Variants in HS3ST3A1 observed in about 807,000 individuals in gnomAD.
HS3ST3A1 encodes heparan sulfate glucosamine 3-O-sulfotransferase 3A1.
HS3ST3A1 carries 19 observed loss-of-function variants against 25.7 expected under a neutral mutation model. The ratio of observed to expected loss-of-function variants is 0.74; its 90% confidence interval spans 0.52 to 1.08. The LOEUF (loss-of-function observed/expected upper bound fraction) is 1.08, where lower values mean the gene tolerates loss of function less well. HS3ST3A1 is among the 50% of genes least tolerant of loss of function. The pLI is 0.00. For synonymous variants in HS3ST3A1, 226 were observed against 278.6 expected (o/e 0.81, Z 1.88); for missense variants, 459 against 594.3 (o/e 0.77, Z 2.37).
intron 1 of HS3ST3A1, among the ~76,000 whole-genome samples, chr17:13,521,511 C>T (rs1906238495): frequency 6.6e-6 from 1 of 152,176 alleles, no homozygotes; most frequent in South Asian, 2.1e-4. Context: ...TAGTTCTAAC[C>T]CAACACAGCT....
chr17:13,533,926 A>G (rs1354907126), intron 1 of HS3ST3A1, among the ~76,000 whole-genome samples: 5 of 152,204 alleles, frequency 3.3e-5, no homozygotes, highest in Non-Finnish European at 5.9e-5. Context: ...AAAGAGAGAG[A>G]AAGAAATTAG....
In HS3ST3A1 at chr17:13,496,104, A is replaced by T; in HGVS notation, c.*93T>A. ...TTCATTGAAAAAAATACTGAAACATATTTTCAGCACAAATATTAAACTGTC... is the reference window on the plus strand; with the variant it reads ...TTCATTGAAAAAAATACTGAAACATTTTTTCAGCACAAATATTAAACTGTC... On this transcript the variant is annotated 3_prime_UTR_variant, in exon 2 of 2. Transcript: ENST00000284110. The T allele has an allele frequency of 7.4e-7, 1 of 1,347,760 alleles. No individual in the cohort carries two copies. The allele number at this position is 1,347,760 out of a possible 1,614,324, so 83.5% of individuals were successfully genotyped here. A position where few individuals can be genotyped will look rare whatever the true frequency, so the allele number is the denominator to read the frequency against.
chr17:13,504,806 G>T (rs1189290026), intron 1 of HS3ST3A1, among the ~76,000 whole-genome samples: 1 of 152,158 alleles, frequency 6.6e-6, no homozygotes, highest in Non-Finnish European at 1.5e-5. Flanking sequence ...TAGGAGTCAG[G>T]CGTCCTCTCC....
chr17:13,526,608 T>A (rs186893794), intron 1 of HS3ST3A1, among the ~76,000 whole-genome samples: 1 of 149,602 alleles, frequency 6.7e-6, no homozygotes, highest in African/African-American at 2.4e-5. Context: ...CAGAGTAAAG[T>A]TAAAGCCACT....
At chr17:13,558,394 T>A (rs910825641) in intron 1 of HS3ST3A1, among the ~76,000 whole-genome samples, 1 of 152,098 alleles carries the variant, frequency 6.6e-6, no homozygotes. Context: ...TAAAGTACTA[T>A]GTACTTCAAT....
chr17:13,526,916 G>A (rs1325138531), intron 1 of HS3ST3A1, among the ~76,000 whole-genome samples: 2 of 152,240 alleles, frequency 1.3e-5, no homozygotes, highest in East Asian at 3.9e-4. Flanking sequence ...GCCTCTCAAA[G>A]TGCTGGGATT....
In HS3ST3A1 at chr17:13,593,233, C is replaced by CAAAAAAAAAAAAAA. The variant is rs5819419; in HGVS notation, c.599+7284_599+7297dup. On this transcript the variant is annotated intron_variant, in intron 1 of 1. Coordinates refer to ENST00000284110, the MANE Select transcript of HS3ST3A1 (RefSeq NM_006042.3). ...CACCTGTTCCTTCTATGTTTGTAGC[C>CAAAAAAAAAAAAAA]AAAAAAAAAAAAAAAAAAAAGTCAT... is the stretch of plus-strand genomic sequence containing the variant. Among the ~76,000 whole-genome samples, 603 of 102,972 alleles carry CAAAAAAAAAAAAAA rather than the reference C, an allele frequency of 5.9e-3. 20 individuals carry two copies. The highest frequency in any genetic ancestry group is 9.9e-3 in the Non-Finnish European group (505 of 51,132). 67.6% of individuals were successfully genotyped at this position (102,972 alleles called of 152,430 possible). A position where few individuals can be genotyped will look rare whatever the true frequency, so the allele number is the denominator to read the frequency against.
intron 1 of HS3ST3A1, among the ~76,000 whole-genome samples, chr17:13,574,981 C>T (rs906227503): frequency 2.6e-5 from 4 of 152,098 alleles, no homozygotes; most frequent in Non-Finnish European, 4.4e-5. Flanking sequence ...TGTAATGCAT[C>T]CACATATGCT....
chr17:13,521,661 A>C (rs1906244027), intron 1 of HS3ST3A1, among the ~76,000 whole-genome samples: 1 of 152,206 alleles, frequency 6.6e-6, no homozygotes, highest in Non-Finnish European at 1.5e-5. Flanking sequence ...AAGCACTATA[A>C]TAGGAAAGAT....
rs569731767 is a variant in HS3ST3A1 at position 13,514,797 on chromosome 17, T to C, written c.600-17979A>G. ...ACTGTTTTATATTCAGATGGTGGTG[T>C]TGGTTATGCAAATCAGTACACATAC... On this transcript the variant is annotated intron_variant, in intron 1 of 1. Coordinates refer to ENST00000284110, the MANE Select transcript of HS3ST3A1 (RefSeq NM_006042.3). Among the ~76,000 whole-genome samples the C allele has an allele frequency of 2.8e-3, 433 of 152,314 alleles. 1 individual carries two copies. The highest frequency in any genetic ancestry group is 9.6e-3 in the African/African-American group (399 of 41,568).
At position 13,600,617 on chromosome 17, in the gene HS3ST3A1, G is replaced by T; in HGVS notation, c.513C>A (p.Phe171Leu). Residue 171 changes from phenylalanine to leucine, a missense_variant, in exon 1 of 2, where the codon TTC becomes TTA. By Grantham distance (22) the Phe-to-Leu change is conservative. Around this residue, in one of 3 missense-constraint regions of HS3ST3A1, gnomAD observed 346 missense variants for 303.9 expected, o/e 1.14. Transcript: ENST00000284110. ...CGCGCACGTCGGGGTGCACGCGCAG[G>T]AACTCCAGCAGCGCCCGCGTGCCGC... ...KKGGTRALLE[F>L]LRVHPDVRAV... 1.3e-6 allele frequency: 2 copies of T among 1,599,086 alleles called. No homozygotes were observed.
rs1362599119 is a variant in HS3ST3A1, at chr17:13,601,031, G to A, written c.99C>T (p.Leu33=). The change falls in exon 1 of 2, where the codon CTC becomes CTT. Residue 33 remains leucine, a synonymous_variant. Transcript: ENST00000284110. ...RKFLLMLCSL[L]TSLYVFYCLA... is the part of the protein sequence containing the mutation. ...GGCAGTAGAAGACGTAAAGGGACGT[G>A]AGCAGGGAGCAGAGCATCAGCAAGA... 4 of 1,594,470 alleles carry A rather than the reference G, an allele frequency of 2.5e-6. No individual in the cohort carries two copies. Among genetic ancestry groups the A allele is most frequent in the Non-Finnish European group, 3.4e-6 (4 of 1,170,832 alleles).
intron 1 of HS3ST3A1, among the ~76,000 whole-genome samples, chr17:13,573,822 A>G (rs1315079478): frequency 2.0e-5 from 3 of 152,184 alleles, no homozygotes; most frequent in Non-Finnish European, 4.4e-5. Flanking sequence ...ATGAGGGTGG[A>G]GCCTCCAAAG....
intron 1 of HS3ST3A1, among the ~76,000 whole-genome samples, chr17:13,503,186 A>AG (rs1181150662): frequency 1.3e-5 from 2 of 151,186 alleles, no homozygotes; most frequent in African/African-American, 4.9e-5. Context: ...AAAAAAAAAA[A>AG]AAAAAGAAAA....
chr17:13,576,574 AGAG>A (rs1413179995), intron 1 of HS3ST3A1, among the ~76,000 whole-genome samples: 1 of 152,232 alleles, frequency 6.6e-6, no homozygotes, highest in East Asian at 1.9e-4. Context: ...CCCACATCCA[AGAG>A]GAGGATTATG....
chr17:13,544,934 G>C (rs1471724898), intron 1 of HS3ST3A1, among the ~76,000 whole-genome samples: 2 of 152,204 alleles, frequency 1.3e-5, no homozygotes, highest in African/African-American at 4.8e-5. Context: ...CCGTAGCTAA[G>C]GCAAGTTGGG....
chr17:13,587,101 C>T (rs2142388832), intron 1 of HS3ST3A1, among the ~76,000 whole-genome samples: 1 of 151,892 alleles, frequency 6.6e-6, no homozygotes, highest in East Asian at 1.9e-4. Context: ...GTTCTCATTA[C>T]ATTTCCATTG....
chr17:13,531,860 A>C (rs2142332695), intron 1 of HS3ST3A1, among the ~76,000 whole-genome samples: 1 of 152,304 alleles, frequency 6.6e-6, no homozygotes, highest in East Asian at 1.9e-4. Context: ...AAACCCACTC[A>C]GGAAGTTGTA....
chr17:13,593,994 T>C (rs1052859784), intron 1 of HS3ST3A1, among the ~76,000 whole-genome samples: 1 of 152,188 alleles, frequency 6.6e-6, no homozygotes, highest in Non-Finnish European at 1.5e-5. Context: ...TCCCCACATC[T>C]GGGATAGCTT....
Sources: gnomAD v4.1 joint callset for allele counts (sites outside exome capture counted in the v4.1 genomes callset) on GRCh38, gnomAD v4.1.1 for gene constraint, gnomAD v4.1.1 regional missense constraint, MANE v1.5 for transcripts, NCBI Gene and HGNC (gene_info 2026-07-23, HGNC 2026-07-21) for gene names.